Variants in CH25H observed in about 807,000 individuals in gnomAD.
CH25H encodes the protein cholesterol 25-hydroxylase.
CH25H carries 10 observed loss-of-function variants against 16.6 expected under a neutral mutation model. The observed-to-expected ratio is 0.60, with a 90% CI of 0.37 to 1.02. CH25H has a LOEUF of 1.02. CH25H is among the 50% of genes least tolerant of loss of function. The pLI is 0.01. For synonymous variants in CH25H, 178 were observed against 158.8 expected (o/e 1.12, Z -0.91); for missense variants, 326 against 344.7 (o/e 0.95, Z 0.43).
rs956478831 is a variant in CH25H, at chr10:89,206,128, T to A, written c.*346A>T. 2.2e-5 allele frequency: 5 copies of A among 224,586 alleles called. No individual in the cohort carries two copies. The highest frequency in any genetic ancestry group is 4.5e-5 in the Non-Finnish European group (5 of 111,566). 13.9% of individuals were successfully genotyped at this position (224,586 alleles called of 1,614,324 possible). A position where few individuals can be genotyped will look rare whatever the true frequency, so the allele number is the denominator to read the frequency against. On this transcript the variant is annotated 3_prime_UTR_variant, in exon 1 of 1. Transcript: ENST00000371852. ...AAAATACATTCTTTTAGCCAGGTTT[T>A]AGAACACTTTGAAACATAGAAAATT...
Position 89,207,184 on chromosome 10 carries a change from G to A in CH25H, c.109C>T (p.Pro37Ser), listed in dbSNP as rs754784307. ...ATGGAGAAGATGACCGGGAAGAAGG[G>A]CGACTGTAGGAGGGCCTCCCAGCTC... is the stretch of plus-strand genomic sequence containing the variant. ...LRSWEALLQS[P>S]FFPVIFSITT... Residue 37 changes from proline to serine, a missense_variant, in exon 1 of 1, where the codon CCC becomes TCC. Coordinates refer to ENST00000371852, the MANE Select transcript of CH25H (RefSeq NM_003956.4). 1 of 1,611,530 alleles carries A rather than the reference G, an allele frequency of 6.2e-7. No individual in the cohort carries two copies. Among genetic ancestry groups the A allele is most frequent in the Admixed American group, 1.7e-5 (1 of 59,578 alleles).
chr10:89,206,423 G>T lies in CH25H; in HGVS notation c.*51C>A. On this transcript the variant is annotated 3_prime_UTR_variant, in exon 1 of 1. Transcript: ENST00000371852. ...AGCTCAGGTGTTTCTCTTCATTCAAGTGTGAAAGGCACAGCAGTCCCGAGT... is the reference window on the plus strand; with the variant it reads ...AGCTCAGGTGTTTCTCTTCATTCAATTGTGAAAGGCACAGCAGTCCCGAGT... 7.3e-7 allele frequency: 1 copy of T among 1,375,350 alleles called. No individual in the cohort carries two copies. The highest frequency in any genetic ancestry group is 1.0e-6 in the Non-Finnish European group (1 of 987,618). 85.2% of individuals were successfully genotyped at this position (1,375,350 alleles called of 1,614,324 possible).
rs747139452 is a variant in CH25H at position 89,206,564 on chromosome 10, G to A, written c.729C>T (p.His243=). The change falls in exon 1 of 1, where the codon CAC becomes CAT. Residue 243 remains histidine (H), a synonymous_variant. Coordinates refer to ENST00000371852, the MANE Select transcript of CH25H (RefSeq NM_003956.4). The part of the protein sequence containing the change: ...YGGVVHHDLH[H]SHFNCNFAPY... Reference sequence around the variant, plus strand: ...GAGCGAAGTTGCAGTTAAAGTGAGAGTGATGCAGGTCGTGGTGCACCACAC... The same window carrying A: ...GAGCGAAGTTGCAGTTAAAGTGAGAATGATGCAGGTCGTGGTGCACCACAC... The A allele has an allele frequency of 6.2e-7, 1 of 1,614,140 alleles. No homozygotes were observed. Among genetic ancestry groups the A allele is most frequent in the Non-Finnish European group, 8.5e-7 (1 of 1,180,014 alleles).
At position 89,206,628 on chromosome 10, in the gene CH25H, C is replaced by T; in HGVS notation, c.665G>A (p.Trp222Ter). 1.9e-6 allele frequency: 3 copies of T among 1,614,200 alleles called. No homozygotes were observed. Among genetic ancestry groups the T allele is most frequent in the African/African-American group, 1.3e-5 (1 of 75,038 alleles). Residue 222 changes from tryptophan (W) to a stop codon, truncating the protein, a stop_gained, in exon 1 of 1, where the codon TGG becomes TAG. Coordinates refer to ENST00000371852, the MANE Select transcript of CH25H (RefSeq NM_003956.4). LOFTEE classifies it high-confidence loss of function. ...GAAGGGCACCAGTCTGTGAGTGGAC[C>T]AAGGGAAGTTGTAGCCGGAGTGGTC... Reference protein sequence around the residue: ...VEDHSGYNFPWSTHRLVPFGW... With the variant: ...VEDHSGYNFP
Position 89,206,666 on chromosome 10 carries a change from C to T in CH25H, c.627G>A (p.Trp209Ter). 1 of 1,614,212 alleles carries T rather than the reference C, an allele frequency of 6.2e-7. No homozygotes were observed. The highest frequency in any genetic ancestry group is 8.5e-7 in the Non-Finnish European group (1 of 1,180,040). ...TTLTFHVVNI[W>*]LSVEDHSGYN... ...AGCCGGAGTGGTCCTCCACGGAAAGCCAGATGTTGACCACGTGGAAGGTCA... is the reference window on the plus strand; with the variant it reads ...AGCCGGAGTGGTCCTCCACGGAAAGTCAGATGTTGACCACGTGGAAGGTCA... The change falls in exon 1 of 1, where the codon TGG becomes TGA. Residue 209 changes from tryptophan (W) to a stop codon, truncating the protein, a stop_gained. Transcript: ENST00000371852. LOFTEE classifies it high-confidence loss of function.
rs769120351 is a variant in CH25H, at chr10:89,207,130, A to G, written c.163T>C (p.Phe55Leu). The G allele has an allele frequency of 2.5e-6, 4 of 1,613,666 alleles. No homozygotes were observed. Among genetic ancestry groups the G allele is most frequent in the Non-Finnish European group, 3.4e-6 (4 of 1,179,806 alleles). ...GAGCACAGGATATCCAGGACCACGAAGGGCAGGCAAAAGCCCACGTATGTG... is the reference window on the plus strand; with the variant it reads ...GAGCACAGGATATCCAGGACCACGAGGGGCAGGCAAAAGCCCACGTATGTG... Reference protein sequence around the residue: ...ITTYVGFCLPFVVLDILCSWV... With the variant: ...ITTYVGFCLPLVVLDILCSWV... Residue 55 changes from phenylalanine (F) to leucine (L), a missense_variant, in exon 1 of 1, where the codon TTC becomes CTC. Physicochemically the swap from Phe to Leu is conservative, Grantham distance 22 (BLOSUM62 0). Transcript: ENST00000371852.
Position 89,207,050 on chromosome 10 carries a change from C to T in CH25H, c.243G>A (p.Ala81=), listed in dbSNP as rs761164594. ...YKIHPDFSPS[A]QQLLPCLGQT... is the part of the protein sequence containing the mutation. ...GCCCCAGGCAAGGTAGCAGCTGCTG[C>T]GCGGATGGCGAGAAGTCAGGGTGGA... Residue 81 remains alanine (A), a synonymous_variant, in exon 1 of 1, where the codon GCG becomes GCA. Coordinates refer to ENST00000371852, the MANE Select transcript of CH25H (RefSeq NM_003956.4). 10 of 1,613,890 alleles carry T rather than the reference C, an allele frequency of 6.2e-6. No individual in the cohort carries two copies. Among genetic ancestry groups the T allele is most frequent in the Non-Finnish European group, 8.5e-6 (10 of 1,179,956 alleles).
chr10:89,206,678 C>T lies in CH25H; in HGVS notation c.615G>A (p.Val205=). The T allele has an allele frequency of 6.2e-7, 1 of 1,614,204 alleles. No homozygotes were observed. The highest frequency in any genetic ancestry group is 8.5e-7 in the Non-Finnish European group (1 of 1,180,030). ...CCTCCACGGAAAGCCAGATGTTGACCACGTGGAAGGTCAGGGTGGTGAGCG... is the reference window on the plus strand; with the variant it reads ...CCTCCACGGAAAGCCAGATGTTGACTACGTGGAAGGTCAGGGTGGTGAGCG... ...CHPLTTLTFH[V]VNIWLSVEDH... Residue 205 remains valine (V), a synonymous_variant, in exon 1 of 1, where the codon GTG becomes GTA. Coordinates refer to ENST00000371852, the MANE Select transcript of CH25H (RefSeq NM_003956.4).
chr10:89,206,196 G>A lies in CH25H; in HGVS notation c.*278C>T, dbSNP rs1263190792. The A allele has an allele frequency of 8.2e-6, 3 of 368,020 alleles. No homozygotes were observed. Among genetic ancestry groups the A allele is most frequent in the Admixed American group, 4.2e-5 (1 of 24,008 alleles). The allele number at this position is 368,020 out of a possible 1,614,324, so 22.8% of individuals were successfully genotyped here. A position where few individuals can be genotyped will look rare whatever the true frequency, so the allele number is the denominator to read the frequency against. On this transcript the variant is annotated 3_prime_UTR_variant, in exon 1 of 1. Transcript: ENST00000371852. ...GTCCTTTTAGAGATATTCTAAATAT[G>A]CCAGTGATGAATGTCTAATTCATAT... is the stretch of plus-strand genomic sequence containing the variant.
At position 89,205,762 on chromosome 10, in the gene CH25H, A is replaced by C. The variant is rs1195244657; in HGVS notation, c.*712T>G. 6.6e-6 allele frequency: 1 copy of C among 152,254 alleles called. No individual in the cohort carries two copies. Among genetic ancestry groups the C allele is most frequent in the Non-Finnish European group, 1.5e-5 (1 of 68,054 alleles). The allele number at this position is 152,254 out of a possible 1,614,324, so 9.4% of individuals were successfully genotyped here. ...CTCCATGAAATTGCTAGAGCACAAC[A>C]AACAGAGCCCCTTCTCCTGCCTCCT... On this transcript the variant is annotated 3_prime_UTR_variant, in exon 1 of 1. Coordinates refer to ENST00000371852, the MANE Select transcript of CH25H (RefSeq NM_003956.4).
chr10:89,206,817 A>G lies in CH25H; in HGVS notation c.476T>C (p.Val159Ala). The G allele has an allele frequency of 6.2e-7, 1 of 1,614,110 alleles. No homozygotes were observed. The highest frequency in any genetic ancestry group is 1.1e-5 in the South Asian group (1 of 91,074). ...GAACGAGGACGAGTTCTGGTGGTGC[A>G]CCTTGTGGAAGGTGCGGTACAGCCA... ...VPWLYRTFHK[V>A]HHQNSSSFAL... The change falls in exon 1 of 1, where the codon GTG (valine) becomes GCG (alanine). Residue 159 changes from valine (V) to alanine (A), a missense_variant. Physicochemically the swap from Val to Ala is moderately conservative, Grantham distance 64 (BLOSUM62 0). Transcript: ENST00000371852.
At position 89,206,245 on chromosome 10, in the gene CH25H, G is replaced by A; in HGVS notation, c.*229C>T. On this transcript the variant is annotated 3_prime_UTR_variant, in exon 1 of 1. Coordinates refer to ENST00000371852, the MANE Select transcript of CH25H (RefSeq NM_003956.4). ...ATGCAGGATTCAAGGCTATTGAGGT[G>A]AGCTAGACTAAGAATACCAAGAACA... is the stretch of plus-strand genomic sequence containing the variant. 1 of 525,950 alleles carries A rather than the reference G, an allele frequency of 1.9e-6. No homozygotes were observed. Among genetic ancestry groups the A allele is most frequent in the South Asian group, 2.3e-5 (1 of 44,060 alleles). 32.6% of individuals were successfully genotyped at this position (525,950 alleles called of 1,614,324 possible).
rs774234813 is a variant in CH25H, at chr10:89,206,681, G to T, written c.612C>A (p.His204Gln). 14 of 1,614,126 alleles carry T rather than the reference G, an allele frequency of 8.7e-6. No homozygotes were observed. Among genetic ancestry groups the T allele is most frequent in the Admixed American group, 1.7e-5 (1 of 60,016 alleles). ...GCHPLTTLTFHVVNIWLSVED... is the reference protein window; with the variant it reads ...GCHPLTTLTFQVVNIWLSVED... ...CCACGGAAAGCCAGATGTTGACCAC[G>T]TGGAAGGTCAGGGTGGTGAGCGGGT... The change falls in exon 1 of 1, where the codon CAC becomes CAA. Residue 204 changes from histidine (H) to glutamine (Q), a missense_variant. By Grantham distance (24) the His-to-Gln change is conservative. Transcript: ENST00000371852.
Position 89,206,343 on chromosome 10 carries a change from A to G in CH25H, c.*131T>C, listed in dbSNP as rs1842503697. 4.3e-6 allele frequency: 3 copies of G among 692,414 alleles called. No individual in the cohort carries two copies. The highest frequency in any genetic ancestry group is 2.9e-5 in the Admixed American group (1 of 34,168). 42.9% of individuals were successfully genotyped at this position (692,414 alleles called of 1,614,324 possible). On this transcript the variant is annotated 3_prime_UTR_variant, in exon 1 of 1. Coordinates refer to ENST00000371852, the MANE Select transcript of CH25H (RefSeq NM_003956.4). Reference sequence around the variant, plus strand: ...TACAAAAATGCATCAGATTTTATCTATGGTTTTCATAGATAAACATAAAGC... The same window carrying G: ...TACAAAAATGCATCAGATTTTATCTGTGGTTTTCATAGATAAACATAAAGC...
At position 89,207,123 on chromosome 10, in the gene CH25H, A is replaced by C; in HGVS notation, c.170T>G (p.Val57Gly). The change falls in exon 1 of 1, where the codon GTC becomes GGC. Residue 57 changes from valine to glycine, a missense_variant. Val to Gly is a moderately radical substitution (Grantham distance 109). Transcript: ENST00000371852. ...CACCCAGGAGCACAGGATATCCAGG[A>C]CCACGAAGGGCAGGCAAAAGCCCAC... ...TYVGFCLPFV[V>G]LDILCSWVPA... 6.2e-7 allele frequency: 1 copy of C among 1,613,828 alleles called. No homozygotes were observed.
At position 89,206,464 on chromosome 10, in the gene CH25H, C is replaced by G; in HGVS notation, c.*10G>C. On this transcript the variant is annotated 3_prime_UTR_variant, in exon 1 of 1. Coordinates refer to ENST00000371852, the MANE Select transcript of CH25H (RefSeq NM_003956.4). Reference sequence around the variant, plus strand: ...AGTCCCGAGTCTTAGGGGCACCCACCGCAGCCACATCACCGCGCTGGGACA... The same window carrying G: ...AGTCCCGAGTCTTAGGGGCACCCACGGCAGCCACATCACCGCGCTGGGACA... The G allele has an allele frequency of 6.3e-7, 1 of 1,595,198 alleles. No homozygotes were observed. Among genetic ancestry groups the G allele is most frequent in the Non-Finnish European group, 8.6e-7 (1 of 1,168,598 alleles).
In CH25H at chr10:89,206,486, G is replaced by A; in HGVS notation, c.807C>T (p.Val269=). The A allele has an allele frequency of 1.9e-6, 3 of 1,609,366 alleles. No individual in the cohort carries two copies. The highest frequency in any genetic ancestry group is 3.4e-5 in the Admixed American group (2 of 59,398). ...KILGTLRTAS[V]PAR The stretch of plus-strand genomic sequence containing the variant: ...CACCGCAGCCACATCACCGCGCTGG[G>A]ACAGATGCAGTCCGCAGCGTTCCCA... The change falls in exon 1 of 1, where the codon GTC becomes GTT. Residue 269 remains valine (V), a synonymous_variant. Transcript: ENST00000371852.
Position 89,206,505 on chromosome 10 carries a change from G to T in CH25H, c.788C>A (p.Thr263Lys). Residue 263 changes from threonine (T) to lysine (K), a missense_variant, in exon 1 of 1, where the codon ACG (threonine) becomes AAG (lysine). Thr to Lys is a moderately conservative substitution (Grantham distance 78). Coordinates refer to ENST00000371852, the MANE Select transcript of CH25H (RefSeq NM_003956.4). ...YFTHWDKILG[T>K]LRTASVPAR The stretch of plus-strand genomic sequence containing the variant: ...CGCTGGGACAGATGCAGTCCGCAGC[G>T]TTCCCAGTATTTTGTCCCAGTGTGT... The T allele has an allele frequency of 1.2e-6, 2 of 1,612,914 alleles. No individual in the cohort carries two copies. Among genetic ancestry groups the T allele is most frequent in the African/African-American group, 1.3e-5 (1 of 75,048 alleles).
rs970590318 is a variant in CH25H at position 89,205,804 on chromosome 10, CAACAG to C, written c.*665_*669del. The C allele has an allele frequency of 6.6e-6, 1 of 152,228 alleles. No homozygotes were observed. Among genetic ancestry groups the C allele is most frequent in the Non-Finnish European group, 1.5e-5 (1 of 68,070 alleles). The allele number at this position is 152,228 out of a possible 1,614,324, so 9.4% of individuals were successfully genotyped here. A position where few individuals can be genotyped will look rare whatever the true frequency, so the allele number is the denominator to read the frequency against. On this transcript the variant is annotated 3_prime_UTR_variant, in exon 1 of 1. Transcript: ENST00000371852. ...CTGCCTCCTTTTCTCTAACAACCCC[CAACAG>C]AACACCCTACACCCAGATTCCTCTC...
Sources: gnomAD v4.1 joint callset for allele counts on GRCh38, gnomAD v4.1.1 for gene constraint, MANE v1.5 for transcripts, NCBI Gene and HGNC (gene_info 2026-07-23, HGNC 2026-07-21) for gene names.